Variants in CPS1 observed in about 807,000 individuals in gnomAD.
CPS1 encodes the protein carbamoyl-phosphate synthase [ammonia], mitochondrial.
CPS1 carries 109 observed loss-of-function variants against 174.6 expected under a neutral mutation model. That is an observed-to-expected ratio of 0.62 (90% CI 0.53 to 0.73). The LOEUF (loss-of-function observed/expected upper bound fraction) is 0.73, where lower values mean the gene tolerates loss of function less well. Among genes scored for constraint, CPS1 ranks in the 30% least tolerant of loss-of-function variants. The pLI is 0.00. For missense variants in CPS1, 1,689 were observed against 1,821.9 expected, an observed-to-expected ratio of 0.93 and a Z score of 1.33; for synonymous variants, 637 against 632.0, an observed-to-expected ratio of 1.01 and a Z score of -0.12.
chr2:210,675,914 C>T (rs1701514786), intron 36 of CPS1, 74 bp downstream of exon 36: 2 of 796,856 alleles, frequency 2.5e-6, no homozygotes, highest in African/African-American at 3.4e-5. Flanking sequence ...GAATATTTCA[C>T]CTTACTTGAT....
At chr2:210,488,230 T>C (rs1228582044) in intron 1 of CPS1, among the ~76,000 whole-genome samples, 1 of 151,740 alleles carries the variant, frequency 6.6e-6, no homozygotes, top group Non-Finnish European at 1.5e-5. Flanking sequence ...AGAGAAAAAA[T>C]CAGAACCGAA....
At chr2:210,560,893 A>G (rs2106046082) in intron 1 of CPS1, among the ~76,000 whole-genome samples, 1 of 152,270 alleles carries the variant, frequency 6.6e-6, no homozygotes, top group Non-Finnish European at 1.5e-5. Context: ...CTTTTACTAC[A>G]TATAGACACA....
chr2:210,661,947 C>T (rs1215841203), intron 32 of CPS1, among the ~76,000 whole-genome samples: 2 of 145,856 alleles, frequency 1.4e-5, no homozygotes, highest in African/African-American at 2.6e-5. Flanking sequence ...GCTCTGTCAC[C>T]CTGGCTGGAG....
intron 1 of CPS1, among the ~76,000 whole-genome samples, chr2:210,504,710 A>G (rs527885613): frequency 6.6e-6 from 1 of 152,260 alleles, no homozygotes; most frequent in South Asian, 2.1e-4. Context: ...TAATGTAGCT[A>G]TATTTCTTTT....
chr2:210,600,245 G>T (rs997610597), intron 14 of CPS1, among the ~76,000 whole-genome samples: 2 of 151,810 alleles, frequency 1.3e-5, no homozygotes, highest in Non-Finnish European at 2.9e-5. Context: ...TCTCATTATA[G>T]AAATGGACTT....
At chr2:210,571,515 A>G (rs896119762) in intron 1 of CPS1, among the ~76,000 whole-genome samples, 2 of 151,956 alleles carry the variant, frequency 1.3e-5, no homozygotes, top group Admixed American at 6.6e-5. Context: ...AACATATCCT[A>G]TCAATTTTAA....
chr2:210,483,202 C>T (rs1694623559), intron 1 of CPS1, among the ~76,000 whole-genome samples: 1 of 144,200 alleles, frequency 6.9e-6, no homozygotes, highest in Non-Finnish European at 1.6e-5. Flanking sequence ...TGCTGTCGCT[C>T]TGTGTGTAAA....
At chr2:210,567,478 C>G (rs1250443812) in intron 1 of CPS1, among the ~76,000 whole-genome samples, 5 of 151,984 alleles carry the variant, frequency 3.3e-5, no homozygotes, top group Non-Finnish European at 7.4e-5. Flanking sequence ...AAATTTTTTG[C>G]TGACATACAG....
chr2:210,633,688 A>G (rs1026112105), intron 21 of CPS1, among the ~76,000 whole-genome samples: 7 of 152,206 alleles, frequency 4.6e-5, no homozygotes, highest in African/African-American at 1.7e-4. Flanking sequence ...CAACATAGCG[A>G]CCTTTGAAAA....
chr2:210,603,848 G>A (rs377346846), intron 16 of CPS1, among the ~76,000 whole-genome samples: 22 of 151,528 alleles, frequency 1.5e-4, no homozygotes, highest in African/African-American at 3.4e-4. Context: ...GTTATAATTA[G>A]CACCATTAAA....
intron 27 of CPS1, 75 bp from the exon 28 acceptor site, chr2:210,650,288 G>C: frequency 8.2e-7 from 1 of 1,213,840 alleles, no homozygotes; most frequent in Non-Finnish European, 1.2e-6. Flanking sequence ...TAGGTTGTCT[G>C]GAACTGTTCT....
chr2:210,604,751 CTT>C (rs1404955822), intron 16 of CPS1, among the ~76,000 whole-genome samples: 3 of 151,892 alleles, frequency 2.0e-5, no homozygotes, highest in Non-Finnish European at 4.4e-5. Flanking sequence ...TTTATTCACA[CTT>C]ATCACATTTT....
Position 210,646,285 on chromosome 2 carries a change from C to T in CPS1, c.3142-1578C>T, listed in dbSNP as rs182307602. ...TAATAAGGAAATAAAAAGATTATAG[C>T]CAAGAGAGTATTTTAAAGGTTTTTG... On this transcript the variant is annotated intron_variant, in intron 25 of 37. Transcript: ENST00000233072. Among the ~76,000 whole-genome samples, 126 of 151,922 alleles carry T rather than the reference C, an allele frequency of 8.3e-4. No individual in the cohort carries two copies. In the Middle Eastern group the frequency reaches 0.01, roughly 12 times the overall value.
intron 1 of CPS1, among the ~76,000 whole-genome samples, chr2:210,486,157 C>T (rs1220970118): frequency 8.4e-6 from 1 of 119,114 alleles, no homozygotes; most frequent in African/African-American, 3.7e-5. Flanking sequence ...CACACACACA[C>T]ACCCTGTATA....
intron 1 of CPS1, among the ~76,000 whole-genome samples, chr2:210,569,401 T>A (rs1465067583): frequency 2.6e-5 from 4 of 152,060 alleles, no homozygotes; most frequent in Non-Finnish European, 2.9e-5. Flanking sequence ...CAAGTTTTTT[T>A]ATTGAAATTT....
intron 21 of CPS1, among the ~76,000 whole-genome samples, chr2:210,629,033 T>C (rs1699780573): frequency 6.6e-6 from 1 of 152,030 alleles, no homozygotes; most frequent in African/African-American, 2.4e-5. Flanking sequence ...CATCAAAGAG[T>C]GCCCATTCAA....
intron 1 of CPS1, among the ~76,000 whole-genome samples, chr2:210,526,472 C>T (rs1695975719): frequency 1.3e-5 from 2 of 151,844 alleles, no homozygotes; most frequent in African/African-American, 4.8e-5. Flanking sequence ...AAGGAAGTTA[C>T]TTAACTCAGT....
At chr2:210,539,158 G>A (rs1696336420) in intron 1 of CPS1, among the ~76,000 whole-genome samples, 1 of 152,254 alleles carries the variant, frequency 6.6e-6, no homozygotes, top group South Asian at 2.1e-4. Flanking sequence ...TGTAAAATGG[G>A]AATAACAACA....
At chr2:210,560,433 A>G (rs755982817) in intron 1 of CPS1, among the ~76,000 whole-genome samples, 10 of 152,154 alleles carry the variant, frequency 6.6e-5, no homozygotes, top group African/African-American at 1.7e-4. Context: ...AATCAAAAGT[A>G]TTAAATTGTA....
Sources: allele counts gnomAD v4.1 joint callset (sites outside exome capture counted in the v4.1 genomes callset), GRCh38; gene constraint gnomAD v4.1.1; transcripts MANE v1.5; gene names NCBI Gene and HGNC (gene_info 2026-07-23, HGNC 2026-07-21).